The following ATOSA variants were observed in gnomAD, a reference collection of about 807,000 sequenced individuals.
ATOSA encodes atos homolog A, also known as atos homolog protein A.
chr15:52,687,434 T>C, the ATOSA span, among the ~76,000 whole-genome samples: 1 of 152,028 alleles, frequency 6.6e-6, no homozygotes, highest in Non-Finnish European at 1.5e-5. Flanking sequence ...AAATTGCAAT[T>C]TGGTTTGATA....
At chr15:52,583,327 CAG>C in the ATOSA span, among the ~76,000 whole-genome samples, 1 of 152,186 alleles carries the variant, frequency 6.6e-6, no homozygotes, top group Non-Finnish European at 1.5e-5. Context: ...CAAGTTTAAC[CAG>C]AGAGGGTTGA....
the ATOSA span, among the ~76,000 whole-genome samples, chr15:52,596,602 G>T: frequency 6.6e-6 from 1 of 152,168 alleles, no homozygotes; most frequent in South Asian, 2.1e-4. Flanking sequence ...GGGATATATG[G>T]TAATATATGA....
chr15:52,656,132 T>C, the ATOSA span: 416 of 152,238 alleles, frequency 2.7e-3, no homozygotes, highest in African/African-American at 9.7e-3. Context: ...GAAGCTGATT[T>C]TTTTTTAAGT....
chr15:52,633,962 T>C, the ATOSA span, among the ~76,000 whole-genome samples: 3 of 152,150 alleles, frequency 2.0e-5, no homozygotes, highest in Non-Finnish European at 2.9e-5. Flanking sequence ...GGAAGGTTCT[T>C]ATACTATACA....
the ATOSA span, among the ~76,000 whole-genome samples, chr15:52,679,870 G>A: frequency 7.1e-6 from 1 of 141,046 alleles, no homozygotes; most frequent in Non-Finnish European, 1.5e-5. Flanking sequence ...TTGTGATCGA[G>A]CCCCAAGTGG....
At chr15:52,640,598 A>G in the ATOSA span, among the ~76,000 whole-genome samples, 1 of 135,692 alleles carries the variant, frequency 7.4e-6, no homozygotes, top group Non-Finnish European at 1.6e-5. Flanking sequence ...AAAAAAAAAA[A>G]GGCAGCAATC....
At chr15:52,648,142 A>T in the ATOSA span, among the ~76,000 whole-genome samples, 4 of 152,214 alleles carry the variant, frequency 2.6e-5, no homozygotes, top group Admixed American at 1.3e-4. Flanking sequence ...ACATTTTATT[A>T]TAATAGCTAA....
At chr15:52,615,538 C>A in the ATOSA span, among the ~76,000 whole-genome samples, 2 of 152,092 alleles carry the variant, frequency 1.3e-5, no homozygotes, top group Non-Finnish European at 2.9e-5. Flanking sequence ...CAGAACCATG[C>A]AGCATGGAAT....
At chr15:52,602,118 C>T in the ATOSA span, among the ~76,000 whole-genome samples, 3 of 152,110 alleles carry the variant, frequency 2.0e-5, no homozygotes, top group South Asian at 4.2e-4. Flanking sequence ...ATTTCTCTTC[C>T]CTTTTGTGCT....
the ATOSA span, among the ~76,000 whole-genome samples, chr15:52,637,148 T>C: frequency 6.6e-6 from 1 of 152,268 alleles, no homozygotes; most frequent in Admixed American, 6.5e-5. Flanking sequence ...TTTATCATTT[T>C]TGTTTGCTGT....
At chr15:52,605,232 T>C in the ATOSA span, 2 of 1,605,108 alleles carry the variant, frequency 1.2e-6, no homozygotes, top group Non-Finnish European at 1.7e-6. Context: ...CATTTGAATG[T>C]TTCAGTGTAG....
the ATOSA span, among the ~76,000 whole-genome samples, chr15:52,692,800 C>T: frequency 6.7e-6 from 1 of 149,176 alleles, no homozygotes. Flanking sequence ...GGTGGGACTA[C>T]AGGCGTCAGC....
chr15:52,643,795 C>T, the ATOSA span, among the ~76,000 whole-genome samples: 16 of 151,848 alleles, frequency 1.1e-4, no homozygotes, highest in Non-Finnish European at 1.3e-4. Context: ...TGCCTGTAAT[C>T]CCAGCTTCTC....
chr15:52,705,683 A>T, the ATOSA span, among the ~76,000 whole-genome samples: 1 of 152,136 alleles, frequency 6.6e-6, no homozygotes, highest in African/African-American at 2.4e-5. Context: ...CACCACTCAG[A>T]TCAATACATA....
chr15:52,633,618 GA>G, the ATOSA span, among the ~76,000 whole-genome samples: 8 of 149,918 alleles, frequency 5.3e-5, no homozygotes, highest in Non-Finnish European at 7.4e-5. Flanking sequence ...AGCAGTGAAA[GA>G]AAAAAAAATC....
At chr15:52,655,572 T>C in the ATOSA span, among the ~76,000 whole-genome samples, 2 of 152,144 alleles carry the variant, frequency 1.3e-5, no homozygotes, top group African/African-American at 4.8e-5. Context: ...CTTAAGCACT[T>C]CTTTGAAATT....
chr15:52,611,520 G>A, the ATOSA span: 311 of 1,535,944 alleles, frequency 2.0e-4, no homozygotes, highest in South Asian at 7.6e-4. Context: ...TTTATAAGAA[G>A]TAATGGAAAA....
At chr15:52,605,565 G>C in the ATOSA span, among the ~76,000 whole-genome samples, 1 of 151,894 alleles carries the variant, frequency 6.6e-6, no homozygotes, top group African/African-American at 2.4e-5. Context: ...AAAAAGTTTG[G>C]GATTTTCGAA....
the ATOSA span, among the ~76,000 whole-genome samples, chr15:52,605,991 A>C: frequency 6.6e-6 from 1 of 152,106 alleles, no homozygotes; most frequent in African/African-American, 2.4e-5. Context: ...ATATGCCATA[A>C]TAAAAGTTAT....
Sources: gnomAD v4.1 joint callset for allele counts (sites outside exome capture counted in the v4.1 genomes callset) on GRCh38, gnomAD v4.1.1 for gene constraint, MANE v1.5 for transcripts, NCBI Gene and HGNC (gene_info 2026-07-23, HGNC 2026-07-21) for gene names.